The following RAB30 variants were observed in gnomAD, a reference collection of about 807,000 sequenced individuals.
RAB30 encodes ras-related protein Rab-30.
A neutral mutation model predicts 25.1 loss-of-function variants in RAB30; 9 were observed. That is an observed-to-expected ratio of 0.36 (90% CI 0.22 to 0.63). The LOEUF (loss-of-function observed/expected upper bound fraction) is 0.63. Among genes scored for constraint, RAB30 ranks in the 20% least tolerant of loss-of-function variants. The pLI is 0.69. For missense variants in RAB30, 140 were observed against 243.5 expected (o/e 0.58, Z 2.83); for synonymous variants, 77 against 86.4 (o/e 0.89, Z 0.60).
chr11:82,983,909 T>C (rs145425982), intron 4 of RAB30, among the ~76,000 whole-genome samples: 1 of 152,196 alleles, frequency 6.6e-6, no homozygotes, highest in Non-Finnish European at 1.5e-5. Flanking sequence ...CTGTGTATTA[T>C]GGGATAAAGC....
At chr11:83,015,158 A>T (rs943740702) in intron 1 of RAB30, among the ~76,000 whole-genome samples, 1 of 152,228 alleles carries the variant, frequency 6.6e-6, no homozygotes, top group African/African-American at 2.4e-5. Context: ...TAACATTTTT[A>T]AAATTTTTTT....
Position 83,026,517 on chromosome 11 carries a change from G to A in RAB30, c.-8-29193C>T, listed in dbSNP as rs548000685. ...TCTCACATGTAACATTCTGGCTCCC[G>A]GTCACCTTCTGTCATGACTGTAAGC... is the stretch of plus-strand genomic sequence containing the variant. On this transcript the variant is annotated intron_variant, in intron 1 of 4. Coordinates refer to ENST00000527633, the MANE Select transcript of RAB30 (RefSeq NM_001286060.2). Among the ~76,000 whole-genome samples, 13 of 152,144 alleles carry A rather than the reference G, an allele frequency of 8.5e-5. No individual in the cohort carries two copies. In the East Asian group the frequency reaches 9.7e-4, roughly 11 times the overall value.
chr11:82,994,427 AT>A (rs1856918629), intron 2 of RAB30, among the ~76,000 whole-genome samples: 1 of 152,226 alleles, frequency 6.6e-6, no homozygotes, highest in African/African-American at 2.4e-5. Context: ...GGGGAACCTG[AT>A]TTTAAGAATG....
At chr11:82,986,299 T>C (rs1255545396) in intron 4 of RAB30, among the ~76,000 whole-genome samples, 1 of 152,198 alleles carries the variant, frequency 6.6e-6, no homozygotes, top group Non-Finnish European at 1.5e-5. Flanking sequence ...GGGAGATGTG[T>C]AGAAGGGGAT....
At chr11:83,030,845 C>A (rs113414603) in intron 1 of RAB30, among the ~76,000 whole-genome samples, 9 of 152,068 alleles carry the variant, frequency 5.9e-5, no homozygotes, top group East Asian at 1.9e-4. Flanking sequence ...TATGTCCCCC[C>A]ACAAGTTCAT....
intron 1 of RAB30, among the ~76,000 whole-genome samples, chr11:83,055,106 T>C (rs531308694): frequency 1.3e-5 from 2 of 152,232 alleles, no homozygotes; most frequent in Non-Finnish European, 2.9e-5. Flanking sequence ...GACAGGTTAC[T>C]TCCTCTCTCT....
chr11:82,987,562 TC>T, intron 4 of RAB30, 24 bp downstream of exon 4: 1 of 1,578,798 alleles, frequency 6.3e-7, no homozygotes, highest in Non-Finnish European at 8.7e-7. Context: ...CAAATCAATT[TC>T]CCTCCTCGTT....
At chr11:83,007,375 C>T (rs1038878048) in intron 1 of RAB30, among the ~76,000 whole-genome samples, 11 of 152,184 alleles carry the variant, frequency 7.2e-5, no homozygotes, top group African/African-American at 2.2e-4. Context: ...AAAAATAAAG[C>T]AGGCCTGAGA....
intron 1 of RAB30, among the ~76,000 whole-genome samples, chr11:83,003,892 G>A (rs749458921): frequency 9.9e-5 from 15 of 151,950 alleles, no homozygotes; most frequent in Non-Finnish European, 1.6e-4. Context: ...GATTACCAGA[G>A]ACCCTCAAAA....
At chr11:83,000,937 C>T (rs1032746110) in intron 1 of RAB30, among the ~76,000 whole-genome samples, 1 of 149,088 alleles carries the variant, frequency 6.7e-6, no homozygotes, top group Non-Finnish European at 1.5e-5. Context: ...GTCCCAGCTA[C>T]TCGGGAGGCT....
In RAB30 at chr11:82,977,747, T is replaced by G. The variant is rs537802172; in HGVS notation, c.*4418A>C. On this transcript the variant is annotated 3_prime_UTR_variant, in exon 5 of 5. Coordinates refer to ENST00000527633, the MANE Select transcript of RAB30 (RefSeq NM_001286060.2). ...TGCATTTAAAATTCCTTCATCAGACTGGTAATGCCTCAATTTGTTTTTAAT... is the reference window on the plus strand; with the variant it reads ...TGCATTTAAAATTCCTTCATCAGACGGGTAATGCCTCAATTTGTTTTTAAT... 6.6e-5 allele frequency: 10 copies of G among 152,324 alleles called. No individual in the cohort carries two copies. Among genetic ancestry groups the G allele is most frequent in the African/African-American group, 2.4e-4 (10 of 41,558 alleles). 9.4% of individuals were successfully genotyped at this position (152,324 alleles called of 1,614,324 possible).
At chr11:83,022,747 T>A (rs2121512574) in intron 1 of RAB30, among the ~76,000 whole-genome samples, 1 of 152,186 alleles carries the variant, frequency 6.6e-6, no homozygotes, top group African/African-American at 2.4e-5. Flanking sequence ...ATTTAAAAAA[T>A]AATAATAATG....
At chr11:83,045,821 A>G (rs1315662784) in intron 1 of RAB30, among the ~76,000 whole-genome samples, 2 of 152,230 alleles carry the variant, frequency 1.3e-5, no homozygotes, top group Admixed American at 6.5e-5. Flanking sequence ...TGGTTACACT[A>G]GGTATCTAAA....
intron 1 of RAB30, chr11:83,041,636 T>G (rs1481281442): frequency 6.5e-6 from 1 of 154,748 alleles, no homozygotes; most frequent in Non-Finnish European, 1.5e-5. Flanking sequence ...TACGTTCTGT[T>G]TCTTAATCTG....
At chr11:82,991,486 A>C (rs928329822) in intron 3 of RAB30, among the ~76,000 whole-genome samples, 1 of 149,212 alleles carries the variant, frequency 6.7e-6, no homozygotes, top group Non-Finnish European at 1.5e-5. Flanking sequence ...CAGCCTAGGC[A>C]ACAGAGCAAG....
intron 1 of RAB30, among the ~76,000 whole-genome samples, chr11:83,070,718 T>C (rs963023960): frequency 2.6e-5 from 4 of 152,208 alleles, no homozygotes; most frequent in Admixed American, 6.5e-5. Context: ...TAAATGTCAG[T>C]TCGTTTAAAA....
At chr11:83,029,481 C>G (rs576042122) in intron 1 of RAB30, among the ~76,000 whole-genome samples, 16 of 152,002 alleles carry the variant, frequency 1.1e-4, no homozygotes, top group African/African-American at 3.6e-4. Context: ...TGGCTCACTG[C>G]AGCCTCAACC....
chr11:83,043,119 G>A (rs12422142), intron 1 of RAB30, among the ~76,000 whole-genome samples: 32,583 of 152,078 alleles, frequency 0.21, 4,189 homozygotes, highest in Admixed American at 0.28. Context: ...CATGTGACTT[G>A]CTTTGACCAA....
chr11:83,062,775 C>A (rs932986726), intron 1 of RAB30, among the ~76,000 whole-genome samples: 1 of 151,604 alleles, frequency 6.6e-6, no homozygotes, highest in African/African-American at 2.4e-5. Flanking sequence ...CTGAAGTGGG[C>A]GGATCGCCTG....
Sources: allele counts gnomAD v4.1 joint callset (sites outside exome capture counted in the v4.1 genomes callset), GRCh38; gene constraint gnomAD v4.1.1; transcripts MANE v1.5; gene names NCBI Gene and HGNC (gene_info 2026-07-23, HGNC 2026-07-21).